The following DMPK variants were observed in gnomAD, a reference collection of about 807,000 sequenced individuals.
DMPK encodes the protein myotonin-protein kinase.
Under a neutral mutation model 70.3 loss-of-function variants are expected in DMPK, and 32 were observed. The observed-to-expected ratio is 0.46, with a 90% CI of 0.34 to 0.61. The LOEUF is 0.61. DMPK is among the 20% of genes least tolerant of loss of function. The pLI is 0.01. For synonymous variants in DMPK, 469 were observed against 390.9 expected, an observed-to-expected ratio of 1.20 and a Z score of -2.36; for missense variants, 899 against 886.0, an observed-to-expected ratio of 1.01 and a Z score of -0.19.
In DMPK at chr19:45,770,404, G is replaced by A. The variant is rs1231659192; in HGVS notation, c.*84C>T. The A allele has an allele frequency of 6.7e-7, 1 of 1,489,524 alleles. No homozygotes were observed. Among genetic ancestry groups the A allele is most frequent in the South Asian group, 1.2e-5 (1 of 82,728 alleles). The allele number at this position is 1,489,524 out of a possible 1,614,324, so 92.3% of individuals were successfully genotyped here. On this transcript the variant is annotated 3_prime_UTR_variant, in exon 15 of 15. Coordinates refer to ENST00000291270, the MANE Select transcript of DMPK (RefSeq NM_004409.5). Reference sequence around the variant, plus strand: ...CCACGCTCGGAGCGGTTGTGAACTGGCAGGCGGTGGGCGCGGCTTCTGTGC... The same window carrying A: ...CCACGCTCGGAGCGGTTGTGAACTGACAGGCGGTGGGCGCGGCTTCTGTGC...
At position 45,770,622 on chromosome 19, in the gene DMPK, ATAGGCCAG is replaced by A; in HGVS notation, c.1748_1755del (p.Pro583LeufsTer60). On this transcript the variant is annotated frameshift_variant, in exon 15 of 15. Transcript: ENST00000291270. LOFTEE classifies it high-confidence loss of function. ...AACAGGAGCAGGGAAAGCGCCTCCGATAGGCCAGGCCTAGGGACCTGCGGGGAGAGGGC... is the reference window on the plus strand; with the variant it reads ...AACAGGAGCAGGGAAAGCGCCTCCGAGCCTAGGGACCTGCGGGGAGAGGGC... 6.4e-7 allele frequency: 1 copy of A among 1,552,572 alleles called. No individual in the cohort carries two copies.
At position 45,770,273 on chromosome 19, in the gene DMPK, G is replaced by T; in HGVS notation, c.*215C>A. On this transcript the variant is annotated 3_prime_UTR_variant, in exon 15 of 15. Transcript: ENST00000291270. Reference sequence around the variant, plus strand: ...AGCAGCAGCAGCAGCAGCATTCCCGGCTACAAGGACCCTTCGAGCCCCGTT... The same window carrying T: ...AGCAGCAGCAGCAGCAGCATTCCCGTCTACAAGGACCCTTCGAGCCCCGTT... 1 of 728,250 alleles carries T rather than the reference G, an allele frequency of 1.4e-6. No individual in the cohort carries two copies. The allele number at this position is 728,250 out of a possible 1,614,324, so 45.1% of individuals were successfully genotyped here. A position where few individuals can be genotyped will look rare whatever the true frequency, so the allele number is the denominator to read the frequency against.
At chr19:45,770,839 G>T in intron 14 of DMPK, 132 bp downstream of exon 14, 1 of 969,234 alleles carries the variant, frequency 1.0e-6, no homozygotes. Context: ...AGCGGCCTGT[G>T]TTGATTGGCT....
Position 45,779,463 on chromosome 19 carries a change from C to T in DMPK, c.312G>A (p.Lys104=), listed in dbSNP as rs1222303027. ...CCTCGCCCCTCTTCAGCATGTCCCA[C>T]TTGTTCATGATCTTCATGGCATACA... The part of the protein sequence containing the change: ...GQVYAMKIMN[K]WDMLKRGEVS... The change falls in exon 3 of 15, where the codon AAG becomes AAA. Residue 104 remains lysine, a synonymous_variant. Transcript: ENST00000291270. 3 of 1,613,870 alleles carry T rather than the reference C, an allele frequency of 1.9e-6. No homozygotes were observed. The African/African-American group carries it at 4.0e-5, about 22-fold the overall frequency.
At position 45,782,263 on chromosome 19, in the gene DMPK, C is replaced by T; in HGVS notation, c.90G>A (p.Leu30=). 1 of 1,608,986 alleles carries T rather than the reference C, an allele frequency of 6.2e-7. No individual in the cohort carries two copies. Residue 30 remains leucine (L), a synonymous_variant, in exon 1 of 15, where the codon CTG becomes CTA. Transcript: ENST00000291270. Reference sequence around the variant, plus strand: ...AGGCGCCCAGCTCCTGGTGGACGCCCAGGAGAAGGTCGAGCAGGGGCTCCA... The same window carrying T: ...AGGCGCCCAGCTCCTGGTGGACGCCTAGGAGAAGGTCGAGCAGGGGCTCCA... ...LGLEPLLDLL[L]GVHQELGASE...
chr19:45,771,621 T>C lies in DMPK; in HGVS notation c.1547A>G (p.His516Arg). ...AEARNRDLEA[H>R]VRQLQERMEL... is the part of the protein sequence containing the mutation. ...CATCCGCTCCTGCAACTGCCGGACGTGTGCCTCTAGGTCCCGGTTCCGAGC... is the reference window on the plus strand; with the variant it reads ...CATCCGCTCCTGCAACTGCCGGACGCGTGCCTCTAGGTCCCGGTTCCGAGC... The change falls in exon 12 of 15, where the codon CAC becomes CGC. Residue 516 changes from histidine (H) to arginine (R), a missense_variant. Transcript: ENST00000291270. 1.2e-6 allele frequency: 2 copies of C among 1,614,088 alleles called. No homozygotes were observed. The highest frequency in any genetic ancestry group is 1.7e-6 in the Non-Finnish European group (2 of 1,179,954).
Position 45,777,422 on chromosome 19 carries a change from C to G in DMPK, c.1051G>C (p.Val351Leu). The G allele has an allele frequency of 1.2e-6, 2 of 1,613,364 alleles. No homozygotes were observed. Among genetic ancestry groups the G allele is most frequent in the Non-Finnish European group, 1.7e-6 (2 of 1,179,942 alleles). The change falls in exon 8 of 15, where the codon GTG (valine) becomes CTG (leucine). Residue 351 changes from valine to leucine, a missense_variant. By Grantham distance (32) the Val-to-Leu change is conservative (BLOSUM62 1). Transcript: ENST00000291270. This position sits in a 1 kb window ranked among gnomAD's most constrained non-coding sequence, Gnocchi z 6.7. ...GLDWDGLRDSVPPFTPDFEGA... is the reference protein window; with the variant it reads ...GLDWDGLRDSLPPFTPDFEGA... ...TCGAAATCCGGTGTAAAGGGGGGCACGCTGTCCCGGAGACCATCCCAGTCG... is the reference window on the plus strand; with the variant it reads ...TCGAAATCCGGTGTAAAGGGGGGCAGGCTGTCCCGGAGACCATCCCAGTCG...
intron 4 of DMPK, chr19:45,778,916 G>A (rs1444247986): frequency 5.4e-6 from 3 of 555,072 alleles, no homozygotes; most frequent in East Asian, 3.0e-5. Flanking sequence ...AGAACCCAGA[G>A]GCCACCCAAC....
chr19:45,772,864 G>A, intron 9 of DMPK, 112 bp from the exon 10 acceptor site: 1 of 540,908 alleles, frequency 1.8e-6, no homozygotes, highest in Non-Finnish European at 3.1e-6. Context: ...CTCCTGATTT[G>A]AGGAAGGGGA....
At position 45,774,985 on chromosome 19, in the gene DMPK, G is replaced by A. The variant is rs759455411; in HGVS notation, c.1196C>T (p.Pro399Leu). Residue 399 changes from proline to leucine, a missense_variant, in exon 9 of 15, where the codon CCT becomes CTT. Around this residue, in one of 3 missense-constraint regions of DMPK, gnomAD observed 555 missense variants for 483.8 expected, o/e 1.15. Transcript: ENST00000291270. ...REGAPLGVHLPFVGYSYSCMA... is the reference protein window; with the variant it reads ...REGAPLGVHLLFVGYSYSCMA... ...GCAGGAGTAGGAGTAGCCCACAAAA[G>A]GCAGGTGGACCCCTAGCGGCGCACC... 6.2e-7 allele frequency: 1 copy of A among 1,613,890 alleles called. No individual in the cohort carries two copies. The highest frequency in any genetic ancestry group is 8.5e-7 in the Non-Finnish European group (1 of 1,180,012).
intron 1 of DMPK, among the ~76,000 whole-genome samples, chr19:45,781,154 A>G (rs572932741): frequency 1.4e-4 from 22 of 152,202 alleles, no homozygotes; most frequent in Non-Finnish European, 3.1e-4. Context: ...CACAAGAGGA[A>G]GCAGGGGAAG....
chr19:45,780,437 T>C, intron 1 of DMPK: 1 of 1,310,130 alleles, frequency 7.6e-7, no homozygotes, highest in South Asian at 1.3e-5. Context: ...TATCCCAGAC[T>C]CAAGTGCTCC....
chr19:45,782,146 G>GGCCCCC, intron 1 of DMPK, 47 bp downstream of exon 1: 6 of 895,778 alleles, frequency 6.7e-6, no homozygotes, highest in Non-Finnish European at 8.9e-6. Context: ...CCTGTCTCCT[G>GGCCCCC]CCCCACCCCC....
intron 12 of DMPK, 28 bp downstream of exon 12, chr19:45,771,540 C>T (rs1393119529): frequency 1.2e-6 from 2 of 1,613,426 alleles, no homozygotes; most frequent in African/African-American, 1.3e-5. Flanking sequence ...CCCGGTCCTC[C>T]GGGGAAGGGG....
chr19:45,782,424 C>G lies in DMPK; in HGVS notation c.-72G>C, dbSNP rs1247699345. On this transcript the variant is annotated 5_prime_UTR_variant, in exon 1 of 15. Transcript: ENST00000291270. Reference sequence around the variant, plus strand: ...GTCCTCCTGTCACAGGGCCTGGCAGCCCCTGTCCAGGCCCTGGAGCCCTGG... The same window carrying G: ...GTCCTCCTGTCACAGGGCCTGGCAGGCCCTGTCCAGGCCCTGGAGCCCTGG... The G allele has an allele frequency of 8.4e-6, 12 of 1,435,450 alleles. No individual in the cohort carries two copies. The East Asian group carries it at 1.3e-4, about 15-fold the overall frequency. The allele number at this position is 1,435,450 out of a possible 1,614,324, so 88.9% of individuals were successfully genotyped here.
rs777107813 is a variant in DMPK, at chr19:45,778,650, G to C, written c.433-9C>G. ...TACTCCATGACCAGGTACTGAGAAG[G>C]GGTTCGTCATGGGTGGTTGGTAGTC... On this transcript the variant is annotated splice_polypyrimidine_tract_variant and intron_variant, in intron 4 of 14. Transcript: ENST00000291270. The C allele has an allele frequency of 6.2e-7, 1 of 1,612,538 alleles. No individual in the cohort carries two copies. The highest frequency in any genetic ancestry group is 8.5e-7 in the Non-Finnish European group (1 of 1,179,364).
chr19:45,779,941 C>A, intron 1 of DMPK, 72 bp from the exon 2 acceptor site: 1 of 1,607,808 alleles, frequency 6.2e-7, no homozygotes, highest in Non-Finnish European at 8.5e-7. Flanking sequence ...GAAAGCCCCA[C>A]CCTCTGTCTG....
At position 45,782,371 on chromosome 19, in the gene DMPK, T is replaced by TG; in HGVS notation, c.-20dup. On this transcript the variant is annotated 5_prime_UTR_variant, in exon 1 of 15. Coordinates refer to ENST00000291270, the MANE Select transcript of DMPK (RefSeq NM_004409.5). The stretch of plus-strand genomic sequence containing the variant: ...CTGACATGTTGGACAGGCAGCACCA[T>TG]GGCCCCTCCCCGGGCCGGGGGCTCG... 1.3e-6 allele frequency: 2 copies of TG among 1,546,768 alleles called. No homozygotes were observed. The highest frequency in any genetic ancestry group is 4.8e-5 in the East Asian group (2 of 41,532).
Position 45,771,831 on chromosome 19 carries a change from G to C in DMPK, c.1442C>G (p.Thr481Ser), listed in dbSNP as rs1380176187. ...LQEALEEEVL[T>S]RQSLSREMEA... is the part of the protein sequence containing the mutation. ...CATCTCCCGGCTCAGGCTCTGCCGG[G>C]TGAGCACCTCCTCCTCCAGGGCTTC... The change falls in exon 11 of 15, where the codon ACC becomes AGC. Residue 481 changes from threonine to serine, a missense_variant. Physicochemically the swap from Thr to Ser is moderately conservative, Grantham distance 58. Around this residue, in one of 3 missense-constraint regions of DMPK, gnomAD observed 555 missense variants for 483.8 expected, o/e 1.15. Transcript: ENST00000291270. The C allele has an allele frequency of 5.7e-6, 9 of 1,573,710 alleles. No homozygotes were observed. Among genetic ancestry groups the C allele is most frequent in the Non-Finnish European group, 7.8e-6 (9 of 1,159,750 alleles).
Sources: allele counts gnomAD v4.1 joint callset (sites outside exome capture counted in the v4.1 genomes callset), GRCh38; gene constraint gnomAD v4.1.1; regional missense constraint gnomAD v4.1.1; non-coding constraint Gnocchi (gnomAD v3.1); transcripts MANE v1.5; gene names NCBI Gene and HGNC (gene_info 2026-07-23, HGNC 2026-07-21).